Variants in SFI1 observed in about 807,000 individuals in gnomAD.
The protein encoded by SFI1 is SFI1 centrin binding protein.
SFI1 carries 195 observed loss-of-function variants against 207.5 expected under a neutral mutation model. The observed-to-expected ratio is 0.94, with a 90% CI of 0.84 to 1.06. The LOEUF (loss-of-function observed/expected upper bound fraction) is 1.06. Ranked by LOEUF, SFI1 falls within the 50% of genes least tolerant of loss-of-function variation. The pLI is 0.00. For synonymous variants in SFI1, 630 were observed against 598.9 expected (o/e 1.05, Z -0.76); for missense variants, 1,634 against 1,588.0 (o/e 1.03, Z -0.49).
chr22:31,586,541 C>G (rs907538616), intron 14 of SFI1, among the ~76,000 whole-genome samples: 1 of 152,208 alleles, frequency 6.6e-6, no homozygotes, highest in African/African-American at 2.4e-5. Flanking sequence ...GTCACTCTTG[C>G]CTCCTACACT....
chr22:31,526,646 C>G (rs986658763), intron 2 of SFI1, among the ~76,000 whole-genome samples: 1 of 151,960 alleles, frequency 6.6e-6, no homozygotes, highest in Non-Finnish European at 1.5e-5. Context: ...GCCTCTGCCC[C>G]CTGGGTTCAA....
intron 3 of SFI1, 181 bp downstream of exon 3, chr22:31,529,044 C>A (rs971409351): frequency 2.0e-5 from 11 of 537,236 alleles, no homozygotes; most frequent in Admixed American, 9.7e-5. Context: ...TAAAATCTGT[C>A]ATTGAGTGTT....
chr22:31,524,853 G>C (rs2057724491), intron 2 of SFI1, among the ~76,000 whole-genome samples: 1 of 151,936 alleles, frequency 6.6e-6, no homozygotes, highest in Admixed American at 6.6e-5. Context: ...GGAGTGCAGT[G>C]GTACAAATTT....
intron 2 of SFI1, among the ~76,000 whole-genome samples, chr22:31,520,477 T>C (rs1473629310): frequency 6.6e-6 from 1 of 152,198 alleles, no homozygotes; most frequent in Non-Finnish European, 1.5e-5. Flanking sequence ...CATTGAGATA[T>C]AATTCACATA....
intron 4 of SFI1, among the ~76,000 whole-genome samples, chr22:31,545,654 T>TCACCACAACCTCTGCC (rs981177230): frequency 5.9e-5 from 9 of 151,868 alleles, no homozygotes; most frequent in African/African-American, 1.7e-4. Flanking sequence ...CGATCTCGGC[T>TCACCACAACCTCTGCC]CACCACAACC....
chr22:31,536,738 T>A (rs1011698350), intron 4 of SFI1, among the ~76,000 whole-genome samples: 3 of 152,158 alleles, frequency 2.0e-5, no homozygotes, highest in African/African-American at 7.2e-5. Flanking sequence ...TACTCAATTT[T>A]ATTTATCTAT....
At chr22:31,510,883 T>C (rs2055396440) in intron 2 of SFI1, among the ~76,000 whole-genome samples, 1 of 152,188 alleles carries the variant, frequency 6.6e-6, no homozygotes, top group Non-Finnish European at 1.5e-5. Flanking sequence ...TGTCCTCTCT[T>C]TCATACCTAA....
At chr22:31,504,310 C>G (rs912515513) in intron 1 of SFI1, among the ~76,000 whole-genome samples, 1 of 152,280 alleles carries the variant, frequency 6.6e-6, no homozygotes, top group South Asian at 2.1e-4. Context: ...ATGATGACCT[C>G]TGTTACTTGG....
At chr22:31,517,315 C>T (rs1945178542) in intron 2 of SFI1, among the ~76,000 whole-genome samples, 1 of 152,034 alleles carries the variant, frequency 6.6e-6, no homozygotes, top group Non-Finnish European at 1.5e-5. Flanking sequence ...GTGGCACAAT[C>T]AGGGTCACTG....
chr22:31,604,445 A>G (rs1430740410), intron 19 of SFI1, 41 bp downstream of exon 19: 2 of 1,438,630 alleles, frequency 1.4e-6, no homozygotes, highest in East Asian at 5.1e-5. Flanking sequence ...CTGTGGGGAC[A>G]GGGGAGGTTT....
chr22:31,580,446 C>A, intron 12 of SFI1, 82 bp downstream of exon 12: 2 of 1,186,108 alleles, frequency 1.7e-6, no homozygotes, highest in Non-Finnish European at 1.2e-6. Flanking sequence ...CCAAATTAAG[C>A]AGAACTCTTT....
Position 31,583,980 on chromosome 22 carries a change from C to G in SFI1, c.1346+8C>G. ...TGCCTGGGACCACTACAGGTAGGGA[C>G]TCTGGTTTCATCCCTGGCTCTCAGG... On this transcript the variant is annotated splice_region_variant and intron_variant, in intron 13 of 32. Transcript: ENST00000400288. 5 of 1,610,044 alleles carry G rather than the reference C, an allele frequency of 3.1e-6. No individual in the cohort carries two copies. Among genetic ancestry groups the G allele is most frequent in the Non-Finnish European group, 4.2e-6 (5 of 1,176,494 alleles).
Position 31,573,191 on chromosome 22 carries a change from G to T in SFI1, c.899G>T (p.Arg300Leu). The T allele has an allele frequency of 1.2e-6, 2 of 1,613,954 alleles. No individual in the cohort carries two copies. Among genetic ancestry groups the T allele is most frequent in the Non-Finnish European group, 1.7e-6 (2 of 1,179,972 alleles). Residue 300 changes from arginine (R) to leucine (L), a missense_variant, in exon 9 of 33, where the codon CGC becomes CTC. Arg to Leu is a moderately radical substitution (Grantham distance 102). Coordinates refer to ENST00000400288, the MANE Select transcript of SFI1 (RefSeq NM_001007467.3). Reference sequence around the variant, plus strand: ...GCCTGGCTTGAATACCTGCAAGTCCGCAGAGTGAAGAGACAGCAGAATGGT... The same window carrying T: ...GCCTGGCTTGAATACCTGCAAGTCCTCAGAGTGAAGAGACAGCAGAATGGT... ...LKAWLEYLQVRRVKRQQNEMA... is the reference protein window; with the variant it reads ...LKAWLEYLQVLRVKRQQNEMA...
rs775322605 is a variant in SFI1, at chr22:31,573,087, G to T, written c.795G>T (p.Leu265=). ...GGTCACAGTGGCGGGAACAGCTCCT[G>T]TATGTCCAGAAGGAGAAACAAAAGG... ...QAWSQWREQL[L]YVQKEKQKVV... The change falls in exon 9 of 33, where the codon CTG becomes CTT. Residue 265 remains leucine (L), a synonymous_variant. Transcript: ENST00000400288. 8.7e-6 allele frequency: 14 copies of T among 1,612,176 alleles called. No homozygotes were observed. In the Admixed American group the frequency reaches 2.3e-4, roughly 27 times the overall value.
At chr22:31,568,416 C>G (rs1038046786) in intron 8 of SFI1, among the ~76,000 whole-genome samples, 1 of 149,160 alleles carries the variant, frequency 6.7e-6, no homozygotes, top group Non-Finnish European at 1.5e-5. Context: ...CCTGTAATCC[C>G]AGCTACCTGG....
intron 2 of SFI1, among the ~76,000 whole-genome samples, chr22:31,511,012 G>A (rs1393214037): frequency 1.3e-5 from 2 of 151,980 alleles, no homozygotes; most frequent in East Asian, 3.9e-4. Context: ...TTTGAATTGG[G>A]TTCCTGTAGC....
chr22:31,557,901 A>T (rs951732276), intron 7 of SFI1, among the ~76,000 whole-genome samples: 1 of 152,202 alleles, frequency 6.6e-6, no homozygotes, highest in East Asian at 1.9e-4. Context: ...AATGAGCTGC[A>T]TTATCATGGG....
At chr22:31,586,602 A>C (rs2065057342) in intron 14 of SFI1, among the ~76,000 whole-genome samples, 1 of 152,346 alleles carries the variant, frequency 6.6e-6, no homozygotes, top group African/African-American at 2.4e-5. Flanking sequence ...GGATTATGTT[A>C]CTGGCTTTGA....
intron 4 of SFI1, among the ~76,000 whole-genome samples, chr22:31,539,724 C>T (rs986952071): frequency 5.9e-5 from 9 of 151,702 alleles, no homozygotes; most frequent in Admixed American, 4.6e-4. Flanking sequence ...ATTTTAGAAG[C>T]CTTTTTTTTT....
Sources: allele counts gnomAD v4.1 joint callset (sites outside exome capture counted in the v4.1 genomes callset), GRCh38; gene constraint gnomAD v4.1.1; transcripts MANE v1.5; gene names NCBI Gene and HGNC (gene_info 2026-07-23, HGNC 2026-07-21).